The following JAKMIP1 variants were observed in gnomAD, a reference collection of about 807,000 sequenced individuals.
JAKMIP1 encodes the protein janus kinase and microtubule interacting protein 1.
A neutral mutation model predicts 113.0 loss-of-function variants in JAKMIP1; 33 were observed. The observed-to-expected ratio is 0.29, with a 90% CI of 0.22 to 0.39. The LOEUF is 0.39. Ranked by LOEUF, JAKMIP1 falls within the 10% of genes least tolerant of loss-of-function variation. JAKMIP1 has a pLI of 1.00. For synonymous variants in JAKMIP1, 480 were observed against 459.9 expected (o/e 1.04, Z -0.56); for missense variants, 813 against 1,080.5 (o/e 0.75, Z 3.47).
In JAKMIP1 at chr4:6,081,816, GC is replaced by G; in HGVS notation, c.955-62del. 11 of 1,597,760 alleles carry G rather than the reference GC, an allele frequency of 6.9e-6. No individual in the cohort carries two copies. Among genetic ancestry groups the G allele is most frequent in the Non-Finnish European group, 9.4e-6 (11 of 1,168,604 alleles). On this transcript the variant is annotated intron_variant, in intron 5 of 20. Coordinates refer to ENST00000409021, the MANE Select transcript of JAKMIP1 (RefSeq NM_001099433.2). This position sits in a 1 kb window ranked among gnomAD's most constrained non-coding sequence, Gnocchi z 4.6. ...TTGACGACGGACGGCCGAGGTCACA[GC>G]ACCGAGGTGAGCAGAGACTCAACCC... is the stretch of plus-strand genomic sequence containing the variant.
Position 6,187,333 on chromosome 4 carries a change from T to C in JAKMIP1, c.-148+12920A>G, listed in dbSNP as rs1411069890. On this transcript the variant is annotated intron_variant, in intron 1 of 20. Transcript: ENST00000409021. The surrounding 1 kb of genome is among the most constrained non-coding windows in gnomAD (Gnocchi z 4.2). ...AGCTTTCTTATGGTTGCTATTTACCTGATATATTTTTTCTCATCCTTTCAC... is the reference window on the plus strand; with the variant it reads ...AGCTTTCTTATGGTTGCTATTTACCCGATATATTTTTTCTCATCCTTTCAC... 6.6e-6 allele frequency among the ~76,000 whole-genome samples: 1 copy of C among 152,230 alleles called. No individual in the cohort carries two copies. The highest frequency in any genetic ancestry group is 1.9e-4 in the East Asian group (1 of 5,204).
At chr4:6,122,128 T>C (rs1231875260) in intron 1 of JAKMIP1, among the ~76,000 whole-genome samples, 1 of 152,148 alleles carries the variant, frequency 6.6e-6, no homozygotes, top group African/African-American at 2.4e-5. Context: ...GCGGATCTCT[T>C]GATGTCAGAA....
At position 6,097,946 on chromosome 4, in the gene JAKMIP1, C is replaced by T. The variant is rs1712107569; in HGVS notation, c.624+7527G>A. On this transcript the variant is annotated intron_variant, in intron 3 of 20. Transcript: ENST00000409021. This position sits in a 1 kb window ranked among gnomAD's most constrained non-coding sequence, Gnocchi z 4.3. Reference sequence around the variant, plus strand: ...GAAAGAATAATTAAAATGCAATGCCCTTTATGGCTCACTTACATTGTGGGA... The same window carrying T: ...GAAAGAATAATTAAAATGCAATGCCTTTTATGGCTCACTTACATTGTGGGA... 6.6e-6 allele frequency among the ~76,000 whole-genome samples: 1 copy of T among 152,208 alleles called. No individual in the cohort carries two copies. The highest frequency in any genetic ancestry group is 1.5e-5 in the Non-Finnish European group (1 of 68,046).
At position 6,080,304 on chromosome 4, in the gene JAKMIP1, C is replaced by T; in HGVS notation, c.1110G>A (p.Lys370=). The part of the protein sequence containing the change: ...LTRENVEMKE[K]LSAQASLKRH... ...GCTTCAGAGACGCCTGCGCTGACAG[C>T]TTTTCTTTCTGCAGCCACAGGGAGA... The change falls in exon 7 of 21, where the codon AAG becomes AAA. Residue 370 remains lysine (K), a synonymous_variant. Transcript: ENST00000409021. This position sits in a 1 kb window ranked among gnomAD's most constrained non-coding sequence, Gnocchi z 6.0. 1.2e-6 allele frequency: 2 copies of T among 1,613,790 alleles called. No homozygotes were observed. Among genetic ancestry groups the T allele is most frequent in the Non-Finnish European group, 8.5e-7 (1 of 1,179,796 alleles).
rs1030890400 is a variant in JAKMIP1, at chr4:6,199,610, C to G, written c.-148+643G>C. ...GGTGCCAGCCTTTCTTCCCATCTCT[C>G]GAGCCTCCTCCCCGGCGCCCACGTG... On this transcript the variant is annotated intron_variant, in intron 1 of 20. Coordinates refer to ENST00000409021, the MANE Select transcript of JAKMIP1 (RefSeq NM_001099433.2). The surrounding 1 kb of genome is among the most constrained non-coding windows in gnomAD (Gnocchi z 5.6). 6.6e-5 allele frequency among the ~76,000 whole-genome samples: 10 copies of G among 151,984 alleles called. No individual in the cohort carries two copies. Among genetic ancestry groups the G allele is most frequent in the Non-Finnish European group, 1.2e-4 (8 of 67,950 alleles).
intron 20 of JAKMIP1, among the ~76,000 whole-genome samples, chr4:6,027,001 C>G (rs1465400946): frequency 6.6e-6 from 1 of 151,568 alleles, no homozygotes. Context: ...ACCATCTTTA[C>G]CAGGGTTCTT....
At chr4:6,057,061 C>T (rs1716573974) in intron 11 of JAKMIP1, among the ~76,000 whole-genome samples, 1 of 152,194 alleles carries the variant, frequency 6.6e-6, no homozygotes, top group Non-Finnish European at 1.5e-5. Context: ...GCAGACCCTC[C>T]ACGCATGCGG....
At chr4:6,126,397 C>T (rs1560233136) in intron 1 of JAKMIP1, among the ~76,000 whole-genome samples, 1 of 146,002 alleles carries the variant, frequency 6.8e-6, no homozygotes, top group African/African-American at 2.7e-5. Context: ...TACAGAAACA[C>T]ACACACAAAC....
In JAKMIP1 at chr4:6,040,616, G is replaced by GTCAA; in HGVS notation, c.2175+19_2175+22dup. On this transcript the variant is annotated intron_variant, in intron 18 of 20. Transcript: ENST00000409021. The surrounding 1 kb of genome is among the most constrained non-coding windows in gnomAD (Gnocchi z 5.8). ...AATGTGGAGTCTAAGAAGCCAAAGT[G>GTCAA]TCAAACCCACTTCTGGTCCTACCAG... The GTCAA allele has an allele frequency of 6.3e-7, 1 of 1,590,702 alleles. No homozygotes were observed. Among genetic ancestry groups the GTCAA allele is most frequent in the East Asian group, 2.2e-5 (1 of 44,732 alleles).
Position 6,054,062 on chromosome 4 carries a change from C to T in JAKMIP1, c.1794G>A (p.Val598=), listed in dbSNP as rs139275035. ...KDQNELLEFR[V]LELEERERRS... ...TAGAGTCTCTTACTTCGAGTTCTAG[C>T]ACTCTGAATTCTAACAGCTCGTTCT... The change falls in exon 13 of 21, where the codon GTG becomes GTA. Residue 598 remains valine (V), a synonymous_variant. Transcript: ENST00000409021. The T allele has an allele frequency of 1.5e-5, 25 of 1,614,002 alleles. No homozygotes were observed. The South Asian group carries it at 2.2e-4, about 14-fold the overall frequency.
chr4:6,035,882 C>T, intron 19 of JAKMIP1, 22 bp downstream of exon 19: 1 of 1,537,176 alleles, frequency 6.5e-7, no homozygotes, highest in Non-Finnish European at 8.8e-7. Flanking sequence ...GTGCTGTGGG[C>T]ACAGCCGCTG....
At chr4:6,091,490 C>T (rs1244982344) in intron 3 of JAKMIP1, among the ~76,000 whole-genome samples, 2 of 152,222 alleles carry the variant, frequency 1.3e-5, no homozygotes, top group African/African-American at 4.8e-5. Flanking sequence ...AATTCTAACT[C>T]TCGGCAGATA....
At chr4:6,147,881 T>C (rs1362208431) in intron 1 of JAKMIP1, among the ~76,000 whole-genome samples, 1 of 152,258 alleles carries the variant, frequency 6.6e-6, no homozygotes, top group East Asian at 1.9e-4. Flanking sequence ...CATCCAATTG[T>C]TCATTCATTC....
intron 3 of JAKMIP1, among the ~76,000 whole-genome samples, chr4:6,087,302 C>T (rs1039889802): frequency 2.0e-5 from 3 of 151,984 alleles, no homozygotes; most frequent in Admixed American, 6.6e-5. Context: ...GGTTGGGCCA[C>T]CTCTCTGACT....
intron 18 of JAKMIP1, 67 bp from the exon 19 acceptor site, chr4:6,036,174 T>A: frequency 7.9e-7 from 1 of 1,269,368 alleles, no homozygotes; most frequent in Non-Finnish European, 1.1e-6. Context: ...ACCAGAAGGC[T>A]GCTGCCAGTG....
At position 6,183,216 on chromosome 4, in the gene JAKMIP1, C is replaced by T. The variant is rs1225423982; in HGVS notation, c.-148+17037G>A. On this transcript the variant is annotated intron_variant, in intron 1 of 20. Transcript: ENST00000409021. The surrounding 1 kb of genome is among the most constrained non-coding windows in gnomAD (Gnocchi z 5.3). The stretch of plus-strand genomic sequence containing the variant: ...GAACAGGGCCAGGTGCAGTGGCTCA[C>T]GCCTGTAATTCCAGCACTTTGGGAG... Among the ~76,000 whole-genome samples the T allele has an allele frequency of 5.9e-5, 9 of 152,104 alleles. No homozygotes were observed. Among genetic ancestry groups the T allele is most frequent in the African/African-American group, 1.9e-4 (8 of 41,406 alleles).
At chr4:6,171,569 C>G (rs998827533) in intron 1 of JAKMIP1, among the ~76,000 whole-genome samples, 11 of 150,526 alleles carry the variant, frequency 7.3e-5, no homozygotes, top group African/African-American at 2.4e-4. Flanking sequence ...CCAGAGCCCA[C>G]TGTGATGTAA....
Position 6,042,079 on chromosome 4 carries a change from C to T in JAKMIP1, c.2097+80G>A. ...ATGCATGCAAATCATTAGGAAAACA[C>T]ATGCAAAGCCTTCCTGCAAATCAAC... On this transcript the variant is annotated intron_variant, in intron 17 of 20. Transcript: ENST00000409021. The surrounding 1 kb of genome is among the most constrained non-coding windows in gnomAD (Gnocchi z 5.2). 1 of 1,154,324 alleles carries T rather than the reference C, an allele frequency of 8.7e-7. No homozygotes were observed. Among genetic ancestry groups the T allele is most frequent in the Non-Finnish European group, 1.3e-6 (1 of 773,534 alleles). The allele number at this position is 1,154,324 out of a possible 1,614,324, so 71.5% of individuals were successfully genotyped here.
chr4:6,062,487 A>G (rs952430277), intron 9 of JAKMIP1, 47 bp from the exon 10 acceptor site: 1 of 1,561,470 alleles, frequency 6.4e-7, no homozygotes. Context: ...CAAAATTACA[A>G]TAATAAATGA....
Sources: gnomAD v4.1 joint callset for allele counts (sites outside exome capture counted in the v4.1 genomes callset) on GRCh38, gnomAD v4.1.1 for gene constraint, Gnocchi (gnomAD v3.1) non-coding constraint, MANE v1.5 for transcripts, NCBI Gene and HGNC (gene_info 2026-07-23, HGNC 2026-07-21) for gene names.